Variants in FAM131B observed in about 807,000 individuals in gnomAD.
FAM131B encodes family with sequence similarity 131 member B.
Under a neutral mutation model 42.0 loss-of-function variants are expected in FAM131B, and 19 were observed. The ratio of observed to expected loss-of-function variants is 0.45; its 90% CI spans 0.32 to 0.66. The LOEUF (loss-of-function observed/expected upper bound fraction) is 0.66, where lower values mean the gene tolerates loss of function less well. FAM131B is among the 30% of genes least tolerant of loss of function. FAM131B has a pLI of 0.05. For synonymous variants in FAM131B, 183 were observed against 177.6 expected (o/e 1.03, Z -0.24); for missense variants, 370 against 468.4 (o/e 0.79, Z 1.94).
chr7:143,357,312 C>T lies in FAM131B; in HGVS notation c.578G>A (p.Ser193Asn), dbSNP rs2116441892. The change falls in exon 6 of 7, where the codon AGT (serine) becomes AAT (asparagine). Residue 193 changes from serine (S) to asparagine (N), a missense_variant. Physicochemically the swap from Ser to Asn is conservative, Grantham distance 46 (BLOSUM62 1). Coordinates refer to ENST00000443739, the MANE Select transcript of FAM131B (RefSeq NM_001031690.3). The stretch of plus-strand genomic sequence containing the variant: ...GTCCATCAGTTCCTGGTAGTTGTCA[C>T]TGTAGTTGCAGCCCAATGGCTCCTG... ...STQEPLGCNY[S>N]DNYQELMDSQ... 6.2e-7 allele frequency: 1 copy of T among 1,614,226 alleles called. No homozygotes were observed. The highest frequency in any genetic ancestry group is 1.1e-5 in the South Asian group (1 of 91,088).
intron 1 of FAM131B, chr7:143,360,407 T>C (rs1803905975): frequency 1.5e-6 from 2 of 1,340,198 alleles, no homozygotes; most frequent in Non-Finnish European, 1.9e-6. Flanking sequence ...GGTCAGAGGT[T>C]GGGTTTTATC....
the FAM131B span, chr7:143,380,572 C>T: frequency 1.0e-6 from 1 of 985,462 alleles, no homozygotes; most frequent in Non-Finnish European, 1.2e-6. This position sits in a 1 kb window ranked among gnomAD's most constrained non-coding sequence, Gnocchi z 5.0. Context: ...CACCTCCATT[C>T]CCGGCCCCGC....
the FAM131B span, among the ~76,000 whole-genome samples, chr7:143,379,167 C>T: frequency 1.3e-5 from 2 of 152,124 alleles, no homozygotes; most frequent in Non-Finnish European, 2.9e-5. Context: ...GGGTAGATAG[C>T]TTTTATTCCT....
At chr7:143,380,560 C>G in the FAM131B span, 6 of 985,502 alleles carry the variant, frequency 6.1e-6, no homozygotes, top group Non-Finnish European at 7.2e-6. This position sits in a 1 kb window ranked among gnomAD's most constrained non-coding sequence, Gnocchi z 5.0. Context: ...GCCCCGCCCT[C>G]CCACCTCCAT....
the FAM131B span, among the ~76,000 whole-genome samples, chr7:143,378,666 T>C: frequency 1.3e-5 from 2 of 150,176 alleles, no homozygotes; most frequent in Non-Finnish European, 3.0e-5. Flanking sequence ...TTCCGCCTCC[T>C]GGGTTCAAGC....
At chr7:143,380,529 C>T in the FAM131B span, 2 of 985,520 alleles carry the variant, frequency 2.0e-6, no homozygotes, top group Non-Finnish European at 2.4e-6. The surrounding 1 kb of genome is among the most constrained non-coding windows in gnomAD (Gnocchi z 5.0). Context: ...GGTCTCCAGT[C>T]CGCAGGCGGC....
chr7:143,381,900 C>G, the FAM131B span: 1 of 1,021,760 alleles, frequency 9.8e-7, no homozygotes, highest in East Asian at 2.7e-5. Flanking sequence ...GCCACCCTGT[C>G]CCGAGCAGAT....
the FAM131B span, chr7:143,381,769 G>GC: frequency 1.3e-6 from 2 of 1,574,782 alleles, no homozygotes; most frequent in Admixed American, 1.8e-5. Context: ...TTCCCCCGCC[G>GC]CCCCCGGAAG....
chr7:143,366,711 C>T (rs1380035871), upstream of FAM131B, among the ~76,000 whole-genome samples: 1 of 152,062 alleles, frequency 6.6e-6, no homozygotes, highest in Non-Finnish European at 1.5e-5. Context: ...GCACCCGCCA[C>T]CATGACTGGC....
the FAM131B span, among the ~76,000 whole-genome samples, chr7:143,375,103 A>G: frequency 3.2e-3 from 488 of 152,308 alleles, 4 homozygotes; most frequent in African/African-American, 0.011. Context: ...GGTGCCCAGT[A>G]AATGTTTGCT....
At position 143,359,137 on chromosome 7, in the gene FAM131B, C is replaced by A. The variant is rs911532445; in HGVS notation, c.269-113G>T. On this transcript the variant is annotated intron_variant, in intron 4 of 6. Coordinates refer to ENST00000443739, the MANE Select transcript of FAM131B (RefSeq NM_001031690.3). The surrounding 1 kb of genome is among the most constrained non-coding windows in gnomAD (Gnocchi z 5.4). ...TGAGGCTCCATCCCACTGGGCCAGG[C>A]TCCCCTAAGGACTCCATAGATGGGG... is the stretch of plus-strand genomic sequence containing the variant. The A allele has an allele frequency of 8.4e-7, 1 of 1,193,552 alleles. No homozygotes were observed. The highest frequency in any genetic ancestry group is 2.0e-5 in the Admixed American group (1 of 49,314). The allele number at this position is 1,193,552 out of a possible 1,614,324, so 73.9% of individuals were successfully genotyped here. A position where few individuals can be genotyped will look rare whatever the true frequency, so the allele number is the denominator to read the frequency against.
At chr7:143,367,074 C>T (rs1255758816), upstream of FAM131B, among the ~76,000 whole-genome samples, 1 of 152,088 alleles carries the variant, frequency 6.6e-6, no homozygotes, top group Non-Finnish European at 1.5e-5. Flanking sequence ...TCCTAGTGGT[C>T]GATATAGTTC....
At chr7:143,371,039 C>G in the FAM131B span, among the ~76,000 whole-genome samples, 1 of 152,206 alleles carries the variant, frequency 6.6e-6, no homozygotes, top group Non-Finnish European at 1.5e-5. Flanking sequence ...CTCCTCTTGA[C>G]TTTCCGGCTG....
chr7:143,375,747 G>C, the FAM131B span, among the ~76,000 whole-genome samples: 1 of 152,212 alleles, frequency 6.6e-6, no homozygotes, highest in African/African-American at 2.4e-5. Flanking sequence ...ACTCCTGCCA[G>C]TGACTTAGTC....
At chr7:143,366,520 A>G (rs1804184133), upstream of FAM131B, among the ~76,000 whole-genome samples, 2 of 151,422 alleles carry the variant, frequency 1.3e-5, no homozygotes. Context: ...CTTGGGGACT[A>G]GGTGGAAATC....
the FAM131B span, among the ~76,000 whole-genome samples, chr7:143,368,019 T>G: frequency 2.0e-5 from 3 of 152,188 alleles, no homozygotes; most frequent in Non-Finnish European, 4.4e-5. Flanking sequence ...AACATTCTGA[T>G]AAGAAAGGCC....
rs762822406 is a variant in FAM131B at position 143,359,515 on chromosome 7, C to T, written c.175-96G>A. The T allele has an allele frequency of 1.7e-5, 18 of 1,043,734 alleles. No homozygotes were observed. The highest frequency in any genetic ancestry group is 2.1e-5 in the Non-Finnish European group (14 of 677,686). The allele number at this position is 1,043,734 out of a possible 1,614,324, so 64.7% of individuals were successfully genotyped here. A position where few individuals can be genotyped will look rare whatever the true frequency, so the allele number is the denominator to read the frequency against. On this transcript the variant is annotated intron_variant, in intron 3 of 6. Coordinates refer to ENST00000443739, the MANE Select transcript of FAM131B (RefSeq NM_001031690.3). The surrounding 1 kb of genome is among the most constrained non-coding windows in gnomAD (Gnocchi z 5.4). ...TTCATGGTTTCCAGGAAAAAGCATT[C>T]GAGCTAGGGCAGATGATAAGAAAAG...
rs1803803121 is a variant in FAM131B at position 143,358,706 on chromosome 7, G to A, written c.466+121C>T. 2 of 724,808 alleles carry A rather than the reference G, an allele frequency of 2.8e-6. No homozygotes were observed. The highest frequency in any genetic ancestry group is 2.7e-5 in the East Asian group (1 of 36,928). 44.9% of individuals were successfully genotyped at this position (724,808 alleles called of 1,614,324 possible). On this transcript the variant is annotated intron_variant, in intron 5 of 6. Coordinates refer to ENST00000443739, the MANE Select transcript of FAM131B (RefSeq NM_001031690.3). The surrounding 1 kb of genome is among the most constrained non-coding windows in gnomAD (Gnocchi z 4.7). ...ACATCAAAATACTTAGAGCTGTTTG[G>A]GAAATGTGAATCTACGGTCAAAGTA... is the stretch of plus-strand genomic sequence containing the variant.
chr7:143,357,217 G>A, intron 6 of FAM131B, 63 bp downstream of exon 6: 2 of 1,530,076 alleles, frequency 1.3e-6, no homozygotes, highest in Admixed American at 1.7e-5. Flanking sequence ...CTGAGTGGAG[G>A]CAGCTGAGAT....
Sources: gnomAD v4.1 joint callset for allele counts (sites outside exome capture counted in the v4.1 genomes callset) on GRCh38, gnomAD v4.1.1 for gene constraint, Gnocchi (gnomAD v3.1) non-coding constraint, MANE v1.5 for transcripts, NCBI Gene and HGNC (gene_info 2026-07-23, HGNC 2026-07-21) for gene names.